SYAP1: variants seen among roughly 807,000 people sequenced by gnomAD.
SYAP1 encodes the protein synapse associated protein 1.
In SYAP1, 3 loss-of-function variants were observed where a neutral mutation model predicts 29.6. That is an observed-to-expected ratio of 0.10 (90% CI 0.05 to 0.26). The LOEUF is 0.26. Ranked by LOEUF, SYAP1 falls within the 10% of genes least tolerant of loss-of-function variation. SYAP1 has a pLI of 1.00. For missense variants in SYAP1, 217 were observed against 264.1 expected (o/e 0.82, Z 1.24); for synonymous variants, 102 against 102.7 (o/e 0.99, Z 0.04).
In SYAP1 at chrX:16,757,150, G is replaced by T. The variant is rs775556786; in HGVS notation, c.784-12G>T. 1.1e-5 allele frequency: 13 copies of T among 1,208,241 alleles called. No individual in the cohort carries two copies. In the Admixed American group the frequency reaches 2.4e-4, roughly 23 times the overall value. Reference sequence around the variant, plus strand: ...AGCAAACCATTTCAAGAGCTCATTTGTTGCATTTCAGGATGAGGAAGAAAT... The same window carrying T: ...AGCAAACCATTTCAAGAGCTCATTTTTTGCATTTCAGGATGAGGAAGAAAT... On this transcript the variant is annotated splice_polypyrimidine_tract_variant and intron_variant, in intron 7 of 8. Transcript: ENST00000380155.
intron 5 of SYAP1, among the ~76,000 whole-genome samples, chrX:16,753,490 C>A (rs949381902): frequency 1.8e-5 from 2 of 111,771 alleles, no homozygotes; most frequent in Non-Finnish European, 1.9e-5. Context: ...TAACTCATCC[C>A]CATCATTTCT....
At chrX:16,725,049 T>G (rs868492065) in intron 1 of SYAP1, among the ~76,000 whole-genome samples, 8 of 112,539 alleles carry the variant, frequency 7.1e-5, no homozygotes, top group African/African-American at 1.9e-4. Flanking sequence ...TTTTCCTCTG[T>G]GAGCCTCAGC....
intron 8 of SYAP1, among the ~76,000 whole-genome samples, chrX:16,759,568 T>C (rs1337798221): frequency 9.1e-6 from 1 of 110,472 alleles, no homozygotes; most frequent in African/African-American, 3.3e-5. Flanking sequence ...CATGAGAGAG[T>C]CCAGGCTGAC....
At chrX:16,748,552 G>C (rs1343835798) in intron 5 of SYAP1, among the ~76,000 whole-genome samples, 2 of 111,608 alleles carry the variant, frequency 1.8e-5, no homozygotes, top group Non-Finnish European at 3.8e-5. Context: ...GGGTCCTGCT[G>C]GTACATCACA....
rs900737224 is a variant in SYAP1, at chrX:16,762,992, T to TA, written c.*2638dup. The stretch of plus-strand genomic sequence containing the variant: ...CCAGTTATTTCTATACTACCAAAAT[T>TA]AAAAAGACCCAAGGGCTGGGCATGG... On this transcript the variant is annotated 3_prime_UTR_variant, in exon 9 of 9. Transcript: ENST00000380155. 3 of 111,269 alleles carry TA rather than the reference T, an allele frequency of 2.7e-5. No individual in the cohort carries two copies. Among genetic ancestry groups the TA allele is most frequent in the African/African-American group, 9.8e-5 (3 of 30,621 alleles). The allele number at this position is 111,269 out of a possible 1,213,427, so 9.2% of individuals were successfully genotyped here.
At chrX:16,735,009 A>AC (rs1926295421) in intron 1 of SYAP1, among the ~76,000 whole-genome samples, 1 of 106,143 alleles carries the variant, frequency 9.4e-6, no homozygotes, top group Non-Finnish European at 1.9e-5. Flanking sequence ...AAAAAAAAAA[A>AC]AAAAAAAAAA....
chrX:16,732,110 C>T (rs1926221444), intron 1 of SYAP1, among the ~76,000 whole-genome samples: 1 of 112,381 alleles, frequency 8.9e-6, no homozygotes, highest in African/African-American at 3.2e-5. Flanking sequence ...GAAGACATTT[C>T]TAATATTACT....
intron 6 of SYAP1, among the ~76,000 whole-genome samples, chrX:16,756,360 A>C (rs1277086707): frequency 8.9e-6 from 1 of 111,787 alleles, no homozygotes; most frequent in Admixed American, 9.6e-5. Flanking sequence ...CAGGAGGCTG[A>C]GGCAGGAGGA....
chrX:16,726,040 G>A (rs1229031294), intron 1 of SYAP1, among the ~76,000 whole-genome samples: 9 of 111,495 alleles, frequency 8.1e-5, no homozygotes, highest in East Asian at 2.8e-4. Flanking sequence ...GCTATTTCTC[G>A]TGGCCCAATA....
chrX:16,741,612 T>C, intron 3 of SYAP1, 104 bp from the exon 4 acceptor site: 2 of 523,475 alleles, frequency 3.8e-6, no homozygotes, highest in South Asian at 3.8e-5. Context: ...TTGCTACTTT[T>C]AGTGGTCATG....
At chrX:16,733,706 C>T (rs981318972) in intron 1 of SYAP1, among the ~76,000 whole-genome samples, 1 of 108,585 alleles carries the variant, frequency 9.2e-6, no homozygotes, top group Non-Finnish European at 1.9e-5. Context: ...CGCTCTGTTG[C>T]CCAGGCTAGA....
At chrX:16,736,132 G>A (rs371515036) in intron 2 of SYAP1, 34 bp from the exon 3 acceptor site, 8 of 902,807 alleles carry the variant, frequency 8.9e-6, no homozygotes, top group Non-Finnish European at 1.1e-5. Flanking sequence ...TAGATACATT[G>A]CTATTTAATT....
intron 5 of SYAP1, among the ~76,000 whole-genome samples, chrX:16,747,135 G>A (rs1165826269): frequency 2.7e-5 from 3 of 111,127 alleles, no homozygotes; most frequent in Non-Finnish European, 5.7e-5. Flanking sequence ...CTTTTTTAGA[G>A]ATAGGGTCTT....
chrX:16,737,891 A>G (rs975558373), intron 3 of SYAP1, among the ~76,000 whole-genome samples: 3 of 112,117 alleles, frequency 2.7e-5, no homozygotes, highest in African/African-American at 6.5e-5. Flanking sequence ...CTCCTGCAGC[A>G]GTTTATTCCT....
At chrX:16,729,486 T>A (rs1602321417) in intron 1 of SYAP1, among the ~76,000 whole-genome samples, 1 of 38,243 alleles carries the variant, frequency 2.6e-5, no homozygotes, top group African/African-American at 4.1e-4. Flanking sequence ...ATTTTATCGA[T>A]TTTTTTTTTT....
At chrX:16,727,389 G>T (rs1285509648) in intron 1 of SYAP1, among the ~76,000 whole-genome samples, 1 of 102,631 alleles carries the variant, frequency 9.7e-6, no homozygotes, top group African/African-American at 3.6e-5. Context: ...TGTTGCCCAG[G>T]CTGGAGTGCA....
In SYAP1 at chrX:16,760,273, C is replaced by G; in HGVS notation, c.973C>G (p.Gln325Glu). 8.3e-7 allele frequency: 1 copy of G among 1,199,236 alleles called. No homozygotes were observed. The highest frequency in any genetic ancestry group is 1.1e-6 in the Non-Finnish European group (1 of 890,101). Reference sequence around the variant, plus strand: ...GGAAAAAGAACTGCAGCAGGAACTTCAAGAATATGAAGTGGTGACAGAATC... The same window carrying G: ...GGAAAAAGAACTGCAGCAGGAACTTGAAGAATATGAAGTGGTGACAGAATC... The part of the protein sequence containing the change: ...DWEKELQQEL[Q>E]EYEVVTESEK... Residue 325 changes from glutamine (Q) to glutamate (E), a missense_variant, in exon 9 of 9, where the codon CAA becomes GAA. Transcript: ENST00000380155.
intron 3 of SYAP1, among the ~76,000 whole-genome samples, chrX:16,738,902 C>T (rs1019219551): frequency 2.7e-5 from 3 of 111,803 alleles, no homozygotes; most frequent in African/African-American, 9.7e-5. Flanking sequence ...CTGTTACCTC[C>T]GTTTTCCAGA....
Position 16,761,651 on chromosome X carries a change from T to A in SYAP1, c.*1292T>A, listed in dbSNP as rs1926987604. The A allele has an allele frequency of 9.1e-6, 1 of 110,179 alleles. No individual in the cohort carries two copies. The highest frequency in any genetic ancestry group is 1.9e-5 in the Non-Finnish European group (1 of 53,003). 9.1% of individuals were successfully genotyped at this position (110,179 alleles called of 1,213,427 possible). A position where few individuals can be genotyped will look rare whatever the true frequency, so the allele number is the denominator to read the frequency against. On this transcript the variant is annotated 3_prime_UTR_variant, in exon 9 of 9. Coordinates refer to ENST00000380155, the MANE Select transcript of SYAP1 (RefSeq NM_032796.4). Reference sequence around the variant, plus strand: ...TCACGCCACTGCACTCCAGCCTGGGTGACAGAGTGAGAGACTCCGTCTCAA... The same window carrying A: ...TCACGCCACTGCACTCCAGCCTGGGAGACAGAGTGAGAGACTCCGTCTCAA...
Sources: gnomAD v4.1 joint callset for allele counts (sites outside exome capture counted in the v4.1 genomes callset) on GRCh38, gnomAD v4.1.1 for gene constraint, MANE v1.5 for transcripts, NCBI Gene and HGNC (gene_info 2026-07-23, HGNC 2026-07-21) for gene names.